The following HERC2 variants were observed in gnomAD, a reference collection of about 807,000 sequenced individuals.
The protein encoded by HERC2 is E3 ubiquitin-protein ligase HERC2.
Under a neutral mutation model 537.7 loss-of-function variants are expected in HERC2, and 102 were observed. That is an observed-to-expected ratio of 0.19 (90% CI 0.16 to 0.22). HERC2 has a LOEUF of 0.22. Among genes scored for constraint, HERC2 ranks in the 10% least tolerant of loss-of-function variants. The pLI is 1.00. For synonymous variants in HERC2, 2,224 were observed against 2,466.2 expected (o/e 0.90, Z 2.91); for missense variants, 4,236 against 6,198.2 (o/e 0.68, Z 10.63).
chr15:28,111,703 C>T lies in HERC2; in HGVS notation c.*60G>A, dbSNP rs1887661564. On this transcript the variant is annotated 3_prime_UTR_variant, in exon 93 of 93. Coordinates refer to ENST00000261609, the MANE Select transcript of HERC2 (RefSeq NM_004667.6). ...CACACCAGGCAGCCTACAGTCTACA[C>T]AGCAGCGAGCGCTCTGCTGCCTGGC... 1.3e-6 allele frequency: 2 copies of T among 1,560,528 alleles called. No individual in the cohort carries two copies. The highest frequency in any genetic ancestry group is 2.2e-5 in the East Asian group (1 of 44,544).
intron 45 of HERC2, among the ~76,000 whole-genome samples, chr15:28,204,389 A>C (rs954656219): frequency 2.0e-5 from 3 of 152,184 alleles, no homozygotes; most frequent in African/African-American, 7.2e-5. Flanking sequence ...TGGGAGCCCG[A>C]GGAGGGCGGA....
In HERC2 at chr15:28,111,838, G is replaced by A; in HGVS notation, c.14430C>T (p.Ser4810=). ...ALTGEPAADD[S]SDDSDNEDVD... The stretch of plus-strand genomic sequence containing the variant: ...CATCCTCGTTATCTGAATCGTCGCT[G>A]CTGTCGTCGGCGGCTGGCTCTCCTG... The change falls in exon 93 of 93, where the codon AGC becomes AGT. Residue 4810 remains serine, a synonymous_variant. Coordinates refer to ENST00000261609, the MANE Select transcript of HERC2 (RefSeq NM_004667.6). 1 of 1,614,218 alleles carries A rather than the reference G, an allele frequency of 6.2e-7. No individual in the cohort carries two copies. The highest frequency in any genetic ancestry group is 1.3e-5 in the African/African-American group (1 of 75,064).
chr15:28,204,979 T>G (rs994679448), intron 45 of HERC2, among the ~76,000 whole-genome samples: 7 of 151,804 alleles, frequency 4.6e-5, no homozygotes, highest in Admixed American at 4.6e-4. Flanking sequence ...GGAACAAAAA[T>G]CAAGCCAAAG....
intron 55 of HERC2, among the ~76,000 whole-genome samples, chr15:28,187,445 C>T (rs573637389): frequency 6.6e-6 from 1 of 151,898 alleles, no homozygotes; most frequent in African/African-American, 2.4e-5. Flanking sequence ...GATTCTCCAA[C>T]CTCAGCCTCC....
chr15:28,212,313 A>G (rs1899336801), intron 43 of HERC2, 132 bp downstream of exon 43: 3 of 717,652 alleles, frequency 4.2e-6, no homozygotes, highest in African/African-American at 3.5e-5. Context: ...CCCAACCGCA[A>G]CTCAACAAAT....
intron 68 of HERC2, among the ~76,000 whole-genome samples, chr15:28,163,761 A>T (rs1165684629): frequency 1.3e-5 from 2 of 152,170 alleles, no homozygotes; most frequent in Non-Finnish European, 2.9e-5. Flanking sequence ...GCATTAACAC[A>T]CTATCCAGTC....
At chr15:28,233,384 T>C (rs778442108) in intron 29 of HERC2, 43 bp from the exon 30 acceptor site, 2 of 1,263,216 alleles carry the variant, frequency 1.6e-6, no homozygotes. Flanking sequence ...CAACAAATAT[T>C]TCAGCAACTG....
At chr15:28,170,308 G>C (rs762640713) in intron 65 of HERC2, among the ~76,000 whole-genome samples, 2 of 152,236 alleles carry the variant, frequency 1.3e-5, no homozygotes, top group Non-Finnish European at 1.5e-5. Context: ...AACCAAAACT[G>C]TGTGGTACTG....
At chr15:28,282,696 G>A (rs903098290) in intron 4 of HERC2, among the ~76,000 whole-genome samples, 29 of 152,148 alleles carry the variant, frequency 1.9e-4, no homozygotes, top group African/African-American at 3.4e-4. Context: ...CACTTTCGGA[G>A]GCCGAGGCAG....
At chr15:28,251,981 T>A (rs1414341118) in intron 20 of HERC2, among the ~76,000 whole-genome samples, 2 of 152,178 alleles carry the variant, frequency 1.3e-5, no homozygotes, top group African/African-American at 4.8e-5. Context: ...ATTTGGACAG[T>A]GATATTTGCA....
In HERC2 at chr15:28,243,228, T is replaced by C. The variant is rs576714447; in HGVS notation, c.3577+2653A>G. ...ATGCCCATGGAAAAAAAGTGACATGTGACCCCTTTCTCATAACATGCATGA... is the reference window on the plus strand; with the variant it reads ...ATGCCCATGGAAAAAAAGTGACATGCGACCCCTTTCTCATAACATGCATGA... On this transcript the variant is annotated intron_variant, in intron 23 of 92. Transcript: ENST00000261609. Among the ~76,000 whole-genome samples the C allele has an allele frequency of 4.1e-4, 63 of 152,338 alleles. 2 individuals are homozygous for C. In the South Asian group the frequency reaches 0.013, roughly 32 times the overall value.
intron 81 of HERC2, among the ~76,000 whole-genome samples, chr15:28,131,125 T>A (rs1890067489): frequency 6.6e-6 from 1 of 152,202 alleles, no homozygotes; most frequent in Non-Finnish European, 1.5e-5. Context: ...ATGTAAGTTC[T>A]TATATTTAAT....
chr15:28,316,133 G>A (rs2077076209), intron 2 of HERC2: 1 of 292,350 alleles, frequency 3.4e-6, no homozygotes, highest in East Asian at 7.7e-5. Flanking sequence ...TGAGGCATGA[G>A]AATGGCTTGA....
intron 79 of HERC2, among the ~76,000 whole-genome samples, chr15:28,134,032 G>A (rs1217714710): frequency 5.9e-5 from 9 of 152,178 alleles, no homozygotes; most frequent in Non-Finnish European, 1.3e-4. Flanking sequence ...TCTTGATTGG[G>A]AAGGTGTTGA....
intron 58 of HERC2, 54 bp from the exon 59 acceptor site, chr15:28,179,084 TTTTG>T (rs1168992130): frequency 6.2e-7 from 1 of 1,601,804 alleles, no homozygotes; most frequent in Non-Finnish European, 8.5e-7. Flanking sequence ...TTAAAAACTT[TTTTG>T]TTTTTTGGTG....
At chr15:28,321,978 C>A (rs2077242962) in intron 1 of HERC2, 97 bp downstream of exon 1, 1 of 117,330 alleles carries the variant, frequency 8.5e-6, no homozygotes, top group South Asian at 3.1e-4. Context: ...CCCGGTGCGG[C>A]CGCCGCGCCC....
At chr15:28,195,247 C>T (rs916387542) in intron 52 of HERC2, among the ~76,000 whole-genome samples, 5 of 151,886 alleles carry the variant, frequency 3.3e-5, no homozygotes, top group African/African-American at 4.8e-5. Context: ...ATAACATATG[C>T]ACTCCTTATA....
chr15:28,265,983 G>A lies in HERC2; in HGVS notation c.1599-9C>T. ...TAGGCTCCTCCAAAGGCCTTGGGGA[G>A]AAAGGGAACAAACATGAATGCCCTT... On this transcript the variant is annotated splice_polypyrimidine_tract_variant and intron_variant, in intron 12 of 92. Coordinates refer to ENST00000261609, the MANE Select transcript of HERC2 (RefSeq NM_004667.6). The surrounding 1 kb of genome is among the most constrained non-coding windows in gnomAD (Gnocchi z 4.0). 2.5e-6 allele frequency: 4 copies of A among 1,612,934 alleles called. No homozygotes were observed. Among genetic ancestry groups the A allele is most frequent in the Non-Finnish European group, 3.4e-6 (4 of 1,179,414 alleles).
Position 28,214,107 on chromosome 15 carries a change from G to A in HERC2, c.6524C>T (p.Thr2175Ile). 2.5e-6 allele frequency: 4 copies of A among 1,614,218 alleles called. No individual in the cohort carries two copies. The highest frequency in any genetic ancestry group is 3.4e-6 in the Non-Finnish European group (4 of 1,180,026). Residue 2175 changes from threonine to isoleucine, a missense_variant, in exon 41 of 93, where the codon ACC (threonine) becomes ATC (isoleucine). Physicochemically the swap from Thr to Ile is moderately conservative, Grantham distance 89. Coordinates refer to ENST00000261609, the MANE Select transcript of HERC2 (RefSeq NM_004667.6). ...KYINSQLRSITHSFVGRPSEG... is the reference protein window; with the variant it reads ...KYINSQLRSIIHSFVGRPSEG... ...GGAAGGCCTTCCCACAAAGCTGTGGGTGATGGAGCGGAGCTGGGAGTTGAT... is the reference window on the plus strand; with the variant it reads ...GGAAGGCCTTCCCACAAAGCTGTGGATGATGGAGCGGAGCTGGGAGTTGAT...
Sources: allele counts gnomAD v4.1 joint callset (sites outside exome capture counted in the v4.1 genomes callset), GRCh38; gene constraint gnomAD v4.1.1; non-coding constraint Gnocchi (gnomAD v3.1); transcripts MANE v1.5; gene names NCBI Gene and HGNC (gene_info 2026-07-23, HGNC 2026-07-21).